Variants in SLC10A6 observed in about 807,000 individuals in gnomAD.
The protein encoded by SLC10A6 is solute carrier family 10 member 6.
In SLC10A6, 27 loss-of-function variants were observed where a neutral mutation model predicts 30.0. The observed-to-expected ratio is 0.90, with a 90% CI of 0.66 to 1.24. SLC10A6 has a LOEUF of 1.24. SLC10A6 is among the 50% of genes most tolerant of loss of function. SLC10A6 has a pLI of 0.00. For synonymous variants in SLC10A6, 166 were observed against 173.8 expected (o/e 0.95, Z 0.36); for missense variants, 439 against 457.0 (o/e 0.96, Z 0.36).
At chr4:86,833,204 T>A in intron 2 of SLC10A6, 102 bp downstream of exon 2, 2 of 901,996 alleles carry the variant, frequency 2.2e-6, no homozygotes, top group East Asian at 5.0e-5. Flanking sequence ...AATTAAGTAC[T>A]ACCAAAAAAA....
chr4:86,834,625 T>G (rs1189696353), intron 1 of SLC10A6, among the ~76,000 whole-genome samples: 4 of 152,218 alleles, frequency 2.6e-5, no homozygotes, highest in Non-Finnish European at 5.9e-5. Flanking sequence ...TGCATGTATA[T>G]TCATAAGAAC....
At chr4:86,823,962 C>T in intron 5 of SLC10A6, 60 bp from the exon 6 acceptor site, 2 of 1,450,328 alleles carry the variant, frequency 1.4e-6, no homozygotes, top group South Asian at 2.7e-5. Flanking sequence ...AATTTGGTGA[C>T]ACTGTACACT....
intron 1 of SLC10A6, among the ~76,000 whole-genome samples, chr4:86,835,549 C>T (rs1455532251): frequency 6.6e-6 from 1 of 152,030 alleles, no homozygotes; most frequent in Non-Finnish European, 1.5e-5. Flanking sequence ...TGCCTGTAAT[C>T]CCAGCTACTT....
Position 86,823,839 on chromosome 4 carries a change from T to C in SLC10A6, c.983A>G (p.Glu328Gly). ...KHGKKNSGCT[E>G]VCHTRKSTSS... Reference sequence around the variant, plus strand: ...AGTCGATTTCCTCGTATGGCAGACTTCTGTGCAACCTGAGTTCTTTTTTCC... The same window carrying C: ...AGTCGATTTCCTCGTATGGCAGACTCCTGTGCAACCTGAGTTCTTTTTTCC... The change falls in exon 6 of 6, where the codon GAA becomes GGA. Residue 328 changes from glutamate (E) to glycine (G), a missense_variant. Transcript: ENST00000273905. 4 of 1,614,134 alleles carry C rather than the reference T, an allele frequency of 2.5e-6. No individual in the cohort carries two copies. The highest frequency in any genetic ancestry group is 3.4e-6 in the Non-Finnish European group (4 of 1,179,992).
intron 1 of SLC10A6, among the ~76,000 whole-genome samples, chr4:86,846,066 T>G (rs13137142): frequency 0.32 from 49,424 of 152,076 alleles, 9,086 homozygotes; most frequent in African/African-American, 0.5. Flanking sequence ...TTGGATTTTA[T>G]CCAGCATTAA....
At chr4:86,837,742 C>T (rs1746225407) in intron 1 of SLC10A6, 1 of 456,276 alleles carries the variant, frequency 2.2e-6, no homozygotes, top group Admixed American at 6.4e-5. Flanking sequence ...ACCCATCAGA[C>T]CAGTCAAATA....
rs1746446730 is a variant in SLC10A6 at position 86,849,323 on chromosome 4, T to C, written c.-208A>G. On this transcript the variant is annotated 5_prime_UTR_variant, in exon 1 of 6. Transcript: ENST00000273905. ...GTAATTATCACAGGCATGAAACATATAATAAACTGTGGTAAGTAAGGCTTT... is the reference window on the plus strand; with the variant it reads ...GTAATTATCACAGGCATGAAACATACAATAAACTGTGGTAAGTAAGGCTTT... 1.7e-6 allele frequency: 1 copy of C among 589,948 alleles called. No homozygotes were observed. The highest frequency in any genetic ancestry group is 3.2e-5 in the Admixed American group (1 of 31,452). 36.5% of individuals were successfully genotyped at this position (589,948 alleles called of 1,614,324 possible).
intron 1 of SLC10A6, among the ~76,000 whole-genome samples, chr4:86,847,920 C>T (rs2149414567): frequency 6.6e-6 from 1 of 152,278 alleles, no homozygotes; most frequent in Admixed American, 6.5e-5. Context: ...GCTCTTTTTC[C>T]AGTGCTATCC....
intron 1 of SLC10A6, among the ~76,000 whole-genome samples, chr4:86,835,745 AAGAGAG>A (rs143930076): frequency 6.7e-6 from 1 of 149,652 alleles, no homozygotes; most frequent in African/African-American, 2.5e-5. Flanking sequence ...GAAAGAAAGA[AAGAGAG>A]AGAGAGAGAG....
At chr4:86,828,269 A>G in intron 3 of SLC10A6, 101 bp from the exon 4 acceptor site, 1 of 1,256,402 alleles carries the variant, frequency 8.0e-7, no homozygotes, top group Non-Finnish European at 1.1e-6. Context: ...TAGAAATTTT[A>G]GAACAAAGAA....
chr4:86,837,589 T>C (rs1191264841), intron 1 of SLC10A6: 1 of 985,246 alleles, frequency 1.0e-6, no homozygotes, highest in African/African-American at 1.7e-5. Flanking sequence ...TTTTGGTGCC[T>C]TCCATCCCAA....
At chr4:86,833,188 G>T in intron 2 of SLC10A6, 118 bp downstream of exon 2, 1 of 732,318 alleles carries the variant, frequency 1.4e-6, no homozygotes, top group Non-Finnish European at 2.3e-6. Context: ...GTTCTTTAAG[G>T]GATTAAATTA....
chr4:86,832,651 A>G (rs950829398), intron 2 of SLC10A6, among the ~76,000 whole-genome samples: 3 of 152,138 alleles, frequency 2.0e-5, no homozygotes, highest in Non-Finnish European at 4.4e-5. Flanking sequence ...CCACACTAGA[A>G]AAGGCAGATC....
At position 86,823,776 on chromosome 4, in the gene SLC10A6, T is replaced by C. The variant is rs754174976; in HGVS notation, c.1046A>G (p.Glu349Gly). 6.2e-7 allele frequency: 1 copy of C among 1,614,222 alleles called. No homozygotes were observed. The highest frequency in any genetic ancestry group is 8.5e-7 in the Non-Finnish European group (1 of 1,180,024). The change falls in exon 6 of 6, where the codon GAA (glutamate) becomes GGA (glycine). Residue 349 changes from glutamate (E) to glycine (G), a missense_variant. Glu to Gly is a moderately conservative substitution (Grantham distance 98). Transcript: ENST00000273905. Reference protein sequence around the residue: ...RETNAFLEVNEEGAITPGPPG... With the variant: ...RETNAFLEVNGEGAITPGPPG... Reference sequence around the variant, plus strand: ...TGGCCCAGGAGTGATGGCACCTTCTTCATTCACCTCCAAGAAGGCATTGGT... The same window carrying C: ...TGGCCCAGGAGTGATGGCACCTTCTCCATTCACCTCCAAGAAGGCATTGGT...
chr4:86,831,850 ACAGGAATGGT>A lies in SLC10A6; in HGVS notation c.517_526del (p.Thr173TrpfsTer7), dbSNP rs772468172. ...GTAATTCACATAGACACCAAAGGCC[ACAGGAATGGT>A]CAGGCACACAAGGGTAATTCCTAAA... is the stretch of plus-strand genomic sequence containing the variant. On this transcript the variant is annotated frameshift_variant, in exon 3 of 6. Transcript: ENST00000273905. LOFTEE classifies it high-confidence loss of function. The A allele has an allele frequency of 4.5e-5, 72 of 1,613,582 alleles. 2 individuals carry two copies. In the South Asian group the frequency reaches 7.9e-4, roughly 18 times the overall value.
At chr4:86,827,532 C>T (rs1746016615) in intron 4 of SLC10A6, among the ~76,000 whole-genome samples, 1 of 152,158 alleles carries the variant, frequency 6.6e-6, no homozygotes. Flanking sequence ...GTTTACTCTT[C>T]TTTAGTAATT....
At chr4:86,827,964 A>G (rs777546529) in intron 4 of SLC10A6, 29 bp downstream of exon 4, 2 of 1,597,864 alleles carry the variant, frequency 1.3e-6, no homozygotes, top group Admixed American at 3.5e-5. Context: ...TACCTTCCTC[A>G]AAAAAGTTTA....
In SLC10A6 at chr4:86,831,779, T is replaced by G. The variant is rs192034889; in HGVS notation, c.585+13A>C. On this transcript the variant is annotated intron_variant, in intron 3 of 5. Coordinates refer to ENST00000273905, the MANE Select transcript of SLC10A6 (RefSeq NM_197965.3). Reference sequence around the variant, plus strand: ...TCTGAGGACGTGCCAACAGTGGCCATGAAGTCACTCACCTTGAGAATGATT... The same window carrying G: ...TCTGAGGACGTGCCAACAGTGGCCAGGAAGTCACTCACCTTGAGAATGATT... The G allele has an allele frequency of 3.6e-5, 58 of 1,607,930 alleles. No homozygotes were observed. In the African/African-American group the frequency reaches 5.9e-4, roughly 16 times the overall value.
intron 3 of SLC10A6, 119 bp from the exon 4 acceptor site, chr4:86,828,287 A>G: frequency 9.6e-7 from 1 of 1,045,730 alleles, no homozygotes; most frequent in Non-Finnish European, 1.3e-6. Flanking sequence ...GAAGGGACTT[A>G]GAGATGACTA....
Sources: allele counts gnomAD v4.1 joint callset (sites outside exome capture counted in the v4.1 genomes callset), GRCh38; gene constraint gnomAD v4.1.1; transcripts MANE v1.5; gene names NCBI Gene and HGNC (gene_info 2026-07-23, HGNC 2026-07-21).